SLC25A15: variants seen among roughly 807,000 people sequenced by gnomAD.
SLC25A15 encodes the protein mitochondrial ornithine transporter 1.
Under a neutral mutation model 32.3 loss-of-function variants are expected in SLC25A15, and 24 were observed. The ratio of observed to expected loss-of-function variants is 0.74; its 90% CI spans 0.54 to 1.04. The LOEUF is 1.04. Among genes scored for constraint, SLC25A15 ranks in the 50% least tolerant of loss-of-function variants. SLC25A15 has a pLI of 0.00. For synonymous variants in SLC25A15, 132 were observed against 142.1 expected (o/e 0.93, Z 0.51); for missense variants, 317 against 374.5 (o/e 0.85, Z 1.27).
Position 40,810,406 on chromosome 13 carries a change from G to T in SLC25A15, c.*739G>T, listed in dbSNP as rs1164577376. Among the ~76,000 whole-genome samples the T allele has an allele frequency of 2.0e-5, 3 of 152,020 alleles. No individual in the cohort carries two copies. Among genetic ancestry groups the T allele is most frequent in the Admixed American group, 6.6e-5 (1 of 15,246 alleles). ...TCGAACTCCTGACCTCAAGTGATCC[G>T]CCCACCTCGGCCTCCCAAAGTGCTG... On this transcript the variant is annotated 3_prime_UTR_variant, in exon 7 of 7. Transcript: ENST00000338625.
At chr13:40,796,678 G>A (rs1183636721) in intron 2 of SLC25A15, among the ~76,000 whole-genome samples, 1 of 152,046 alleles carries the variant, frequency 6.6e-6, no homozygotes, top group East Asian at 1.9e-4. Flanking sequence ...GGGGTTTGAG[G>A]GTCTCACCTC....
chr13:40,807,994 C>G (rs1188378975), intron 5 of SLC25A15, among the ~76,000 whole-genome samples: 2 of 152,116 alleles, frequency 1.3e-5, no homozygotes, highest in African/African-American at 4.8e-5. Flanking sequence ...GACTTAATTG[C>G]TATGTTTAAT....
Position 40,810,507 on chromosome 13 carries a change from TA to T in SLC25A15, c.*844del, listed in dbSNP as rs1303062287. Among the ~76,000 whole-genome samples, 1 of 152,164 alleles carries T rather than the reference TA, an allele frequency of 6.6e-6. No individual in the cohort carries two copies. The highest frequency in any genetic ancestry group is 1.5e-5 in the Non-Finnish European group (1 of 68,022). The stretch of plus-strand genomic sequence containing the variant: ...AAGTGTTCATGGGGTGCTTGAAAAC[TA>T]AAATATCCTTCTAGATTTGTAAGAC... On this transcript the variant is annotated 3_prime_UTR_variant, in exon 7 of 7. Transcript: ENST00000338625.
intron 2 of SLC25A15, 36 bp downstream of exon 2, chr13:40,793,317 T>C: frequency 1.9e-6 from 3 of 1,558,744 alleles, no homozygotes; most frequent in Non-Finnish European, 2.6e-6. Context: ...GTTTCTGTCG[T>C]TGATGGATGG....
rs200958757 is a variant in SLC25A15 at position 40,793,271 on chromosome 13, G to A, written c.45G>A (p.Ala15=). Residue 15 remains alanine (A), a synonymous_variant, in exon 2 of 7, where the codon GCG becomes GCA. Transcript: ENST00000338625. ...TCCAGGCTGCCATTGACCTCACAGC[G>A]GGGGCTGCAGGTACAGTCATGTGCC... ...PAIQAAIDLT[A]GAAGGTACVL... 1.5e-5 allele frequency: 24 copies of A among 1,613,478 alleles called. No individual in the cohort carries two copies. The highest frequency in any genetic ancestry group is 1.2e-4 in the Admixed American group (7 of 59,982).
chr13:40,807,820 A>ATCT (rs1183233188), intron 5 of SLC25A15, among the ~76,000 whole-genome samples: 1 of 152,164 alleles, frequency 6.6e-6, no homozygotes, highest in Admixed American at 6.5e-5. Context: ...AAACTTGGAA[A>ATCT]TCTTAATAGT....
chr13:40,807,272 A>G, intron 4 of SLC25A15, 22 bp from the exon 5 acceptor site: 2 of 1,613,260 alleles, frequency 1.2e-6, no homozygotes, highest in Non-Finnish European at 1.7e-6. Context: ...TAACCGTGCT[A>G]TCTCTCTGTG....
chr13:40,792,634 C>T (rs1881552149), intron 1 of SLC25A15, among the ~76,000 whole-genome samples: 1 of 152,144 alleles, frequency 6.6e-6, no homozygotes, highest in African/African-American at 2.4e-5. Flanking sequence ...ATGAGGACTC[C>T]CAGCTGTAGA....
chr13:40,797,936 A>G (rs777109424), intron 2 of SLC25A15, among the ~76,000 whole-genome samples: 4 of 152,092 alleles, frequency 2.6e-5, no homozygotes, highest in Non-Finnish European at 4.4e-5. Context: ...GGGTGTGGGG[A>G]TGTTGTAGGG....
At position 40,809,634 on chromosome 13, in the gene SLC25A15, G is replaced by A. The variant is rs769268831; in HGVS notation, c.873G>A (p.Arg291=). The A allele has an allele frequency of 4.2e-5, 68 of 1,613,104 alleles. No homozygotes were observed. Among genetic ancestry groups the A allele is most frequent in the Non-Finnish European group, 5.6e-5 (66 of 1,179,876 alleles). Reference sequence around the variant, plus strand: ...TCTTTTTGGCCTACGAATATAGCAGGAAGTTGATGATGAACCAGTTGGAAG... The same window carrying A: ...TCTTTTTGGCCTACGAATATAGCAGAAAGTTGATGATGAACCAGTTGGAAG... The part of the protein sequence containing the change: ...GALFLAYEYS[R]KLMMNQLEAY The change falls in exon 7 of 7, where the codon AGG becomes AGA. Residue 291 remains arginine (R), a synonymous_variant. Transcript: ENST00000338625.
intron 3 of SLC25A15, among the ~76,000 whole-genome samples, chr13:40,801,835 T>G (rs1310748456): frequency 6.6e-6 from 1 of 152,256 alleles, no homozygotes; most frequent in African/African-American, 2.4e-5. Context: ...TCCCATCCTA[T>G]ACCTATTACT....
chr13:40,791,008 A>C (rs1881464844), intron 1 of SLC25A15, among the ~76,000 whole-genome samples: 1 of 152,014 alleles, frequency 6.6e-6, no homozygotes, highest in Non-Finnish European at 1.5e-5. Flanking sequence ...TCTGTGCCAA[A>C]AGAAATAAGC....
intron 2 of SLC25A15, chr13:40,798,770 C>G (rs1467241923): frequency 1.0e-6 from 1 of 985,296 alleles, no homozygotes; most frequent in East Asian, 1.1e-4. Flanking sequence ...CCCTCTGACC[C>G]TATTGCCCAG....
chr13:40,804,239 A>G (rs974967632), intron 3 of SLC25A15, among the ~76,000 whole-genome samples: 2 of 149,512 alleles, frequency 1.3e-5, no homozygotes, highest in South Asian at 4.3e-4. Flanking sequence ...TCCCATCACA[A>G]TGGCCCTATC....
chr13:40,794,414 T>C (rs993673271), intron 2 of SLC25A15, among the ~76,000 whole-genome samples: 4 of 151,924 alleles, frequency 2.6e-5, no homozygotes, highest in African/African-American at 9.7e-5. Flanking sequence ...GTGAAAGTTG[T>C]AGGATTTGCT....
chr13:40,808,803 C>T (rs1179021126), intron 6 of SLC25A15, among the ~76,000 whole-genome samples: 4 of 151,910 alleles, frequency 2.6e-5, no homozygotes, highest in Non-Finnish European at 4.4e-5. Context: ...GGCGTGGTGG[C>T]AGGCACCTGT....
chr13:40,798,833 T>C, intron 2 of SLC25A15: 12 of 985,372 alleles, frequency 1.2e-5, no homozygotes, highest in Non-Finnish European at 1.4e-5. Context: ...TGTCTGTCTC[T>C]CTCCCCTGCC....
At chr13:40,800,329 G>A (rs944470364) in intron 3 of SLC25A15, among the ~76,000 whole-genome samples, 18 of 152,174 alleles carry the variant, frequency 1.2e-4, no homozygotes, top group Non-Finnish European at 5.9e-5. Flanking sequence ...AGACAGCGAG[G>A]AGGGCTGAGC....
At chr13:40,793,453 C>T (rs1273989666) in intron 2 of SLC25A15, among the ~76,000 whole-genome samples, 172 bp downstream of exon 2, 1 of 152,238 alleles carries the variant, frequency 6.6e-6, no homozygotes, top group Non-Finnish European at 1.5e-5. Context: ...AGTACAGTAA[C>T]ATCCTGTACA....
Sources: allele counts gnomAD v4.1 joint callset (sites outside exome capture counted in the v4.1 genomes callset), GRCh38; gene constraint gnomAD v4.1.1; transcripts MANE v1.5; gene names NCBI Gene and HGNC (gene_info 2026-07-23, HGNC 2026-07-21).